Variants in NFIA observed in about 807,000 individuals in gnomAD.
NFIA encodes nuclear factor 1 A-type.
In NFIA, 8 loss-of-function variants were observed where a neutral mutation model predicts 62.8. The ratio of observed to expected loss-of-function variants is 0.13; its 90% CI spans 0.07 to 0.23. The LOEUF (loss-of-function observed/expected upper bound fraction) is 0.23, where lower values mean the gene tolerates loss of function less well. Ranked by LOEUF, NFIA falls within the 10% of genes least tolerant of loss-of-function variation. The pLI is 1.00. For missense variants in NFIA, 410 were observed against 642.1 expected (o/e 0.64, Z 3.91); for synonymous variants, 235 against 238.1 (o/e 0.99, Z 0.12).
Position 61,404,154 on chromosome 1 carries a change from A to T in NFIA, c.1126A>T (p.Ile376Phe). Residue 376 changes from isoleucine to phenylalanine, a missense_variant, in exon 8 of 11, where the codon ATC (isoleucine) becomes TTC (phenylalanine). Coordinates refer to ENST00000403491, the MANE Select transcript of NFIA (RefSeq NM_001134673.4). ...STLHFPTSPI[I>F]QQPGPYFSHP... ...TCTTCATTTCCCGACATCACCCATT[A>T]TCCAGCAGCCTGGGCCTTACTTCTC... 6.2e-7 allele frequency: 1 copy of T among 1,614,164 alleles called. No homozygotes were observed. Among genetic ancestry groups the T allele is most frequent in the Non-Finnish European group, 8.5e-7 (1 of 1,180,028 alleles).
chr1:61,321,907 A>G (rs1475568591), intron 3 of NFIA, among the ~76,000 whole-genome samples: 4 of 152,210 alleles, frequency 2.6e-5, no homozygotes. Flanking sequence ...TCATTGGGCA[A>G]TCACATTTAG....
intron 2 of NFIA, among the ~76,000 whole-genome samples, chr1:61,242,804 A>G (rs1267727849): frequency 2.6e-5 from 4 of 152,174 alleles, no homozygotes; most frequent in Non-Finnish European, 5.9e-5. Context: ...GCTGGTTGTC[A>G]TGAAGGTACT....
intron 2 of NFIA, among the ~76,000 whole-genome samples, chr1:61,199,661 A>G (rs1170892575): frequency 6.6e-6 from 1 of 152,026 alleles, no homozygotes; most frequent in East Asian, 1.9e-4. Context: ...CCAAGTGTGT[A>G]TACTTTTCCA....
At chr1:61,331,515 T>C (rs1271111925) in intron 3 of NFIA, among the ~76,000 whole-genome samples, 1 of 152,242 alleles carries the variant, frequency 6.6e-6, no homozygotes, top group African/African-American at 2.4e-5. Flanking sequence ...TTTTCTTTTA[T>C]TGCATTTTCT....
intron 2 of NFIA, among the ~76,000 whole-genome samples, chr1:61,198,012 GAA>G (rs1215603523): frequency 2.6e-5 from 4 of 152,056 alleles, no homozygotes; most frequent in Non-Finnish European, 5.9e-5. Context: ...AAGAAAGAAA[GAA>G]AGAGAAAGAA....
At chr1:61,118,656 ATGAGTGTGTGTGTGTG>A (rs1263075981) in intron 2 of NFIA, among the ~76,000 whole-genome samples, 2 of 138,114 alleles carry the variant, frequency 1.4e-5, no homozygotes, top group African/African-American at 5.7e-5. Flanking sequence ...TTTGGTCGGG[ATGAGTGTGTGTGTGTG>A]TGTGTGTGTG....
At chr1:61,145,577 G>T (rs565182382) in intron 2 of NFIA, among the ~76,000 whole-genome samples, 2 of 152,288 alleles carry the variant, frequency 1.3e-5, no homozygotes, top group East Asian at 3.9e-4. Context: ...TGCCCTCTTG[G>T]TATATACTTA....
intron 2 of NFIA, among the ~76,000 whole-genome samples, chr1:61,216,077 C>T (rs1653605778): frequency 6.6e-6 from 1 of 152,184 alleles, no homozygotes; most frequent in Non-Finnish European, 1.5e-5. Flanking sequence ...ATAGTCATAT[C>T]TTGTTGTAAA....
At chr1:61,399,936 T>C (rs1367688927) in intron 7 of NFIA, among the ~76,000 whole-genome samples, 3 of 152,246 alleles carry the variant, frequency 2.0e-5, no homozygotes, top group Non-Finnish European at 4.4e-5. Context: ...TTCTCAGTCT[T>C]AATAAATTCT....
At chr1:61,341,062 T>G (rs1243930879) in intron 4 of NFIA, among the ~76,000 whole-genome samples, 1 of 59,328 alleles carries the variant, frequency 1.7e-5, no homozygotes, top group Non-Finnish European at 4.0e-5. Context: ...CCGGCATTCT[T>G]TTTTTTTTTT....
Position 61,319,826 on chromosome 1 carries a change from CA to C in NFIA, c.626-12685del, listed in dbSNP as rs1557704012. 8.7e-5 allele frequency among the ~76,000 whole-genome samples: 13 copies of C among 150,130 alleles called. No individual in the cohort carries two copies. The South Asian group carries it at 1.1e-3, about 12-fold the overall frequency. ...ACACACACACACACACACACACACA[CA>C]CACACACACCAACTTTCATGATCAC... On this transcript the variant is annotated intron_variant, in intron 3 of 10. Coordinates refer to ENST00000403491, the MANE Select transcript of NFIA (RefSeq NM_001134673.4).
chr1:61,147,529 C>T (rs1337482359), intron 2 of NFIA, among the ~76,000 whole-genome samples: 2 of 152,256 alleles, frequency 1.3e-5, no homozygotes, highest in South Asian at 2.1e-4. Flanking sequence ...GTTACTGTAA[C>T]GGAATCAAGT....
At chr1:61,406,464 G>T (rs1004881371) in intron 8 of NFIA, 98 bp from the exon 9 acceptor site, 30 of 983,938 alleles carry the variant, frequency 3.0e-5, no homozygotes, top group Non-Finnish European at 4.3e-5. Flanking sequence ...TACATTAAAG[G>T]TGCCTGATGA....
intron 2 of NFIA, among the ~76,000 whole-genome samples, chr1:61,114,302 A>G (rs1646759336): frequency 1.3e-5 from 2 of 152,140 alleles, no homozygotes; most frequent in African/African-American, 4.8e-5. Context: ...CCTGGACAAC[A>G]TAGCAAGACC....
At chr1:61,346,708 G>A (rs890244153) in intron 4 of NFIA, among the ~76,000 whole-genome samples, 1 of 152,114 alleles carries the variant, frequency 6.6e-6, no homozygotes, top group Non-Finnish European at 1.5e-5. Context: ...CAGAATCTTA[G>A]CCCCCTTCCA....
intron 3 of NFIA, 57 bp from the exon 4 acceptor site, chr1:61,332,455 G>A: frequency 6.7e-7 from 1 of 1,482,496 alleles, no homozygotes; most frequent in Non-Finnish European, 9.4e-7. Context: ...TTAAAGCTCT[G>A]TTGTCAAATG....
At chr1:61,091,273 C>T (rs967991778) in intron 2 of NFIA, among the ~76,000 whole-genome samples, 1 of 152,014 alleles carries the variant, frequency 6.6e-6, no homozygotes, top group Non-Finnish European at 1.5e-5. Flanking sequence ...TATGTGTCCA[C>T]CTTTCTTTGG....
chr1:61,445,371 A>G (rs897707798), intron 10 of NFIA, among the ~76,000 whole-genome samples: 2 of 152,226 alleles, frequency 1.3e-5, no homozygotes, highest in Admixed American at 1.3e-4. Flanking sequence ...TTTGGGAGGA[A>G]TCTAATTGTT....
chr1:61,328,776 G>T (rs1661110029), intron 3 of NFIA, among the ~76,000 whole-genome samples: 2 of 139,426 alleles, frequency 1.4e-5, no homozygotes, highest in Admixed American at 7.4e-5. Flanking sequence ...AGGCTGGAGT[G>T]CAGTGGCGCA....
Sources: gnomAD v4.1 joint callset for allele counts (sites outside exome capture counted in the v4.1 genomes callset) on GRCh38, gnomAD v4.1.1 for gene constraint, MANE v1.5 for transcripts, NCBI Gene and HGNC (gene_info 2026-07-23, HGNC 2026-07-21) for gene names.